The following NRXN1 variants were observed in gnomAD, a reference collection of about 807,000 sequenced individuals.
The protein encoded by NRXN1 is neurexin 1, also known as neurexin-1.
A neutral mutation model predicts 150.9 loss-of-function variants in NRXN1; 39 were observed. The ratio of observed to expected loss-of-function variants is 0.26; its 90% CI spans 0.20 to 0.34. The LOEUF (loss-of-function observed/expected upper bound fraction) is 0.34, where lower values mean the gene tolerates loss of function less well. NRXN1 is among the 10% of genes least tolerant of loss of function. The probability of loss-of-function intolerance (pLI) is 1.00; values close to 1 mark genes in which losing one functional copy is unlikely to be tolerated. For synonymous variants in NRXN1, 924 were observed against 757.0 expected (o/e 1.22, Z -3.62); for missense variants, 1,815 against 1,949.9 (o/e 0.93, Z 1.30).
chr2:50,356,009 C>T (rs1391988637), intron 17 of NRXN1, among the ~76,000 whole-genome samples: 2 of 151,842 alleles, frequency 1.3e-5, no homozygotes, highest in Non-Finnish European at 2.9e-5. Flanking sequence ...TGATGGAATT[C>T]ATTGTCATAT....
intron 12 of NRXN1, among the ~76,000 whole-genome samples, chr2:50,520,617 C>A (rs2105118896): frequency 6.6e-6 from 1 of 152,044 alleles, no homozygotes; most frequent in East Asian, 1.9e-4. Flanking sequence ...ATGCTGATTA[C>A]TTCTTCACTG....
chr2:50,523,377 G>C (rs2092850654), intron 12 of NRXN1, among the ~76,000 whole-genome samples: 1 of 152,138 alleles, frequency 6.6e-6, no homozygotes, highest in Non-Finnish European at 1.5e-5. Context: ...AGTGACTGCT[G>C]TGTGAAGGCA....
intron 5 of NRXN1, among the ~76,000 whole-genome samples, chr2:50,847,958 CCA>C (rs1426543393): frequency 2.0e-5 from 3 of 152,130 alleles, no homozygotes; most frequent in Admixed American, 6.5e-5. Flanking sequence ...TTCTCCTAGC[CCA>C]CATATGATCC....
intron 17 of NRXN1, among the ~76,000 whole-genome samples, chr2:50,308,752 A>G (rs2074891992): frequency 6.6e-6 from 1 of 152,166 alleles, no homozygotes; most frequent in Admixed American, 6.6e-5. Context: ...CTTTCCAGAC[A>G]TTCATTTTCA....
At chr2:50,095,423 C>G (rs1700088831) in intron 18 of NRXN1, among the ~76,000 whole-genome samples, 1 of 152,120 alleles carries the variant, frequency 6.6e-6, no homozygotes, top group African/African-American at 2.4e-5. Flanking sequence ...AGACCTGGTT[C>G]TTATCCAGGA....
At chr2:50,605,433 T>C (rs555104163) in intron 8 of NRXN1, among the ~76,000 whole-genome samples, 3 of 152,262 alleles carry the variant, frequency 2.0e-5, no homozygotes, top group South Asian at 2.1e-4. Flanking sequence ...AGAAACTCAA[T>C]AGCAATGACA....
intron 5 of NRXN1, among the ~76,000 whole-genome samples, chr2:50,902,820 T>C (rs1683142303): frequency 1.3e-5 from 2 of 152,172 alleles, no homozygotes; most frequent in South Asian, 2.1e-4. Flanking sequence ...CAGATAGTTA[T>C]TATAACAGAT....
chr2:50,268,890 G>C (rs1287609029), intron 17 of NRXN1, among the ~76,000 whole-genome samples: 1 of 152,140 alleles, frequency 6.6e-6, no homozygotes, highest in African/African-American at 2.4e-5. Flanking sequence ...TGCAAACGCA[G>C]TTGTATATCT....
chr2:50,212,184 T>G (rs2063070225), intron 18 of NRXN1, among the ~76,000 whole-genome samples: 1 of 151,710 alleles, frequency 6.6e-6, no homozygotes, highest in Non-Finnish European at 1.5e-5. Context: ...TGAGTCATCT[T>G]TTTTCAGTTT....
At chr2:50,329,637 A>G (rs2076665808) in intron 17 of NRXN1, among the ~76,000 whole-genome samples, 3 of 4,758 alleles carry the variant, frequency 6.3e-4, no homozygotes, top group Admixed American at 3.0e-3. Context: ...ATATATATAT[A>G]TATATATATA....
At chr2:50,629,014 T>C (rs1681730629) in intron 5 of NRXN1, among the ~76,000 whole-genome samples, 1 of 151,718 alleles carries the variant, frequency 6.6e-6, no homozygotes, top group South Asian at 2.1e-4. Flanking sequence ...GTGGGGCAAC[T>C]AGAACTCTCA....
chr2:50,204,168 A>C (rs1243831618), intron 18 of NRXN1, among the ~76,000 whole-genome samples: 1 of 152,118 alleles, frequency 6.6e-6, no homozygotes, highest in Non-Finnish European at 1.5e-5. Context: ...CTATAAAGTA[A>C]AAAGCAGCAC....
At chr2:50,434,043 A>ATCTTTTTTTTTTTTTTTTTTTTTTTT (rs1553609855) in intron 17 of NRXN1, among the ~76,000 whole-genome samples, 1 of 72,154 alleles carries the variant, frequency 1.4e-5, no homozygotes. Context: ...TATCTAAGCC[A>ATCTTTTTTTTTTTTTTTTTTTTTTTT]TTTTTTTTTT....
chr2:50,469,352 C>CAA (rs952039889), intron 16 of NRXN1, among the ~76,000 whole-genome samples: 20 of 151,674 alleles, frequency 1.3e-4, no homozygotes, highest in Admixed American at 1.3e-3. Context: ...AAATAAAAGG[C>CAA]AACAAGTGAT....
intron 5 of NRXN1, among the ~76,000 whole-genome samples, chr2:50,882,182 A>T (rs1401374671): frequency 1.3e-5 from 2 of 151,986 alleles, no homozygotes; most frequent in South Asian, 2.1e-4. Context: ...TTCAAAATCA[A>T]CCTCCTAACA....
intron 2 of NRXN1, among the ~76,000 whole-genome samples, chr2:51,023,921 C>A (rs1051905924): frequency 6.6e-6 from 1 of 152,008 alleles, no homozygotes; most frequent in East Asian, 1.9e-4. Flanking sequence ...ATAAGCCATA[C>A]GTGTTTATGG....
At chr2:50,966,316 A>G (rs1694063018) in intron 2 of NRXN1, among the ~76,000 whole-genome samples, 2 of 151,128 alleles carry the variant, frequency 1.3e-5, no homozygotes, top group African/African-American at 4.9e-5. Flanking sequence ...GCGCCACATC[A>G]GCTTTTCCCC....
chr2:50,189,097 G>C (rs1158596598), intron 18 of NRXN1, among the ~76,000 whole-genome samples: 1 of 152,146 alleles, frequency 6.6e-6, no homozygotes, highest in Non-Finnish European at 1.5e-5. Context: ...GTTCACAATA[G>C]CAAAGACTTG....
chr2:50,200,036 T>C (rs968630118), intron 18 of NRXN1, among the ~76,000 whole-genome samples: 2 of 152,192 alleles, frequency 1.3e-5, no homozygotes, highest in African/African-American at 4.8e-5. Flanking sequence ...ACAGTTACTA[T>C]GCTGCTGGAT....
Sources: gnomAD v4.1 joint callset for allele counts (sites outside exome capture counted in the v4.1 genomes callset) on GRCh38, gnomAD v4.1.1 for gene constraint, MANE v1.5 for transcripts, NCBI Gene and HGNC (gene_info 2026-07-23, HGNC 2026-07-21) for gene names.